PHOSPHO2: variants seen among roughly 807,000 people sequenced by gnomAD.
PHOSPHO2 encodes the protein phosphatase, orphan 2.
In PHOSPHO2, 14 loss-of-function variants were observed where a neutral mutation model predicts 16.4. That is an observed-to-expected ratio of 0.85 (90% CI 0.56 to 1.33). PHOSPHO2 has a LOEUF of 1.33. Ranked by LOEUF, PHOSPHO2 falls within the 40% of genes most tolerant of loss-of-function variation. PHOSPHO2 has a pLI of 0.00. For missense variants in PHOSPHO2, 246 were observed against 282.5 expected, an observed-to-expected ratio of 0.87 and a Z score of 0.93; for synonymous variants, 85 against 90.5, an observed-to-expected ratio of 0.94 and a Z score of 0.34.
intron 3 of PHOSPHO2, among the ~76,000 whole-genome samples, chr2:169,698,769 C>T (rs570744900): frequency 6.6e-6 from 1 of 152,208 alleles, no homozygotes; most frequent in East Asian, 1.9e-4. Context: ...GTAATTGTCA[C>T]ACCACAAACA....
rs1299554370 is a variant in PHOSPHO2, at chr2:169,701,633, C to T, written c.662C>T (p.Ser221Phe). The T allele has an allele frequency of 2.5e-6, 4 of 1,599,410 alleles. No homozygotes were observed. Among genetic ancestry groups the T allele is most frequent in the Middle Eastern group, 1.7e-4 (1 of 6,050 alleles). ...CAAAATCTTGAGCCTATGGAATATT[C>T]TGTTGTAGTTTGGTCCTCAGGTGTT... ...MSQNLEPMEY[S>F]VVVWSSGVDI... is the part of the protein sequence containing the mutation. The change falls in exon 4 of 4, where the codon TCT becomes TTT. Residue 221 changes from serine to phenylalanine, a missense_variant. Physicochemically the swap from Ser to Phe is radical, Grantham distance 155 (BLOSUM62 -2). Coordinates refer to ENST00000359744, the MANE Select transcript of PHOSPHO2 (RefSeq NM_001008489.4).
In PHOSPHO2 at chr2:169,701,076, AC is replaced by A; in HGVS notation, c.106del (p.Arg36ValfsTer25). On this transcript the variant is annotated frameshift_variant, in exon 4 of 4. Coordinates refer to ENST00000359744, the MANE Select transcript of PHOSPHO2 (RefSeq NM_001008489.4). LOFTEE classifies it high-confidence loss of function. Reference sequence around the variant, plus strand: ...CCAACAAAAAGCTTCCTATTGAACTACGTGATTCTTATCGAAAAGGATTTTG... The same window carrying A: ...CCAACAAAAAGCTTCCTATTGAACTAGTGATTCTTATCGAAAAGGATTTTG... The part of the protein sequence containing the change: ...APNKKLPIEL[R>X]DSYRKGFWTE... 1 of 1,614,062 alleles carries A rather than the reference AC, an allele frequency of 6.2e-7. No individual in the cohort carries two copies. The highest frequency in any genetic ancestry group is 8.5e-7 in the Non-Finnish European group (1 of 1,179,980).
chr2:169,694,862 CT>C (rs1215319361), intron 1 of PHOSPHO2: 1 of 180,972 alleles, frequency 5.5e-6, no homozygotes, highest in Non-Finnish European at 1.2e-5. Flanking sequence ...GACATAAACG[CT>C]GTTTTTTTAA....
intron 1 of PHOSPHO2, 73 bp downstream of exon 1, chr2:169,694,695 C>A (rs1446900): frequency 2.2e-5 from 8 of 363,500 alleles, no homozygotes; most frequent in Non-Finnish European, 4.2e-5. Context: ...CCATGGGGGA[C>A]GACCCCCGAT....
At chr2:169,695,166 A>T (rs1345341293) in intron 1 of PHOSPHO2, 49 bp from the exon 2 acceptor site, 1 of 152,238 alleles carries the variant, frequency 6.6e-6, no homozygotes, top group Non-Finnish European at 1.5e-5. Context: ...GAACAAAAAG[A>T]TTTTTAATAA....
Position 169,695,254 on chromosome 2 carries a change from A to G in PHOSPHO2, c.-198+7A>G, listed in dbSNP as rs1687474446. ...GTTCCACGTAATAATGCTGGTAAGTATGGAATAATTAAGAAAATATTTGAA... is the reference window on the plus strand; with the variant it reads ...GTTCCACGTAATAATGCTGGTAAGTGTGGAATAATTAAGAAAATATTTGAA... On this transcript the variant is annotated splice_region_variant and intron_variant, in intron 2 of 3. Transcript: ENST00000359744. The G allele has an allele frequency of 6.6e-6, 1 of 152,240 alleles. No homozygotes were observed. Among genetic ancestry groups the G allele is most frequent in the Admixed American group, 6.5e-5 (1 of 15,286 alleles). The allele number at this position is 152,240 out of a possible 1,614,324, so 9.4% of individuals were successfully genotyped here.
At chr2:169,696,031 T>A (rs1160526156) in intron 2 of PHOSPHO2, among the ~76,000 whole-genome samples, 2 of 152,142 alleles carry the variant, frequency 1.3e-5, no homozygotes, top group Non-Finnish European at 2.9e-5. Context: ...CAGGGAAAAT[T>A]GTCTCCCAAC....
intron 2 of PHOSPHO2, among the ~76,000 whole-genome samples, chr2:169,696,830 T>C (rs150101493): frequency 1.0e-3 from 153 of 152,156 alleles, no homozygotes; most frequent in African/African-American, 3.6e-3. Context: ...AAAGAAAAAA[T>C]GGACTCTGAA....
chr2:169,697,673 G>A (rs1318670511), intron 3 of PHOSPHO2, 142 bp downstream of exon 3: 1 of 152,150 alleles, frequency 6.6e-6, no homozygotes, highest in African/African-American at 2.4e-5. Flanking sequence ...AATAATTCAG[G>A]AATTTCAGTA....
rs1400382383 is a variant in PHOSPHO2 at position 169,701,015 on chromosome 2, A to G, written c.44A>G (p.Asp15Gly). ...LVFDFDNTII[D>G]DNSDTWIVQC... ...TTTGACTTTGACAATACAATCATAGATGACAATAGTGACACTTGGATTGTA... is the reference window on the plus strand; with the variant it reads ...TTTGACTTTGACAATACAATCATAGGTGACAATAGTGACACTTGGATTGTA... Residue 15 changes from aspartate to glycine, a missense_variant, in exon 4 of 4, where the codon GAT becomes GGT. Asp to Gly is a moderately conservative substitution (Grantham distance 94, BLOSUM62 -1). Coordinates refer to ENST00000359744, the MANE Select transcript of PHOSPHO2 (RefSeq NM_001008489.4). 1.2e-6 allele frequency: 2 copies of G among 1,610,364 alleles called. No individual in the cohort carries two copies. Among genetic ancestry groups the G allele is most frequent in the South Asian group, 2.2e-5 (2 of 90,194 alleles).
At chr2:169,695,646 A>AAAG (rs1687499091) in intron 2 of PHOSPHO2, among the ~76,000 whole-genome samples, 3 of 152,022 alleles carry the variant, frequency 2.0e-5, no homozygotes, top group Non-Finnish European at 2.9e-5. Context: ...TCAAAAAAAA[A>AAAG]AAAAGTTTCA....
chr2:169,699,231 A>G (rs1334345492), intron 3 of PHOSPHO2, among the ~76,000 whole-genome samples: 1 of 143,456 alleles, frequency 7.0e-6, no homozygotes, highest in Non-Finnish European at 1.5e-5. Flanking sequence ...TGTTCTCATG[A>G]TTCAGCTCCC....
chr2:169,697,103 C>G (rs1231115601), intron 2 of PHOSPHO2, among the ~76,000 whole-genome samples: 1 of 151,938 alleles, frequency 6.6e-6, no homozygotes, highest in East Asian at 1.9e-4. Context: ...GCAAGCTCCG[C>G]CTCCCAGGTT....
intron 2 of PHOSPHO2, among the ~76,000 whole-genome samples, chr2:169,696,156 G>A (rs1392648402): frequency 6.6e-6 from 1 of 152,142 alleles, no homozygotes; most frequent in African/African-American, 2.4e-5. Flanking sequence ...CTTCAGACTC[G>A]AGATTCCAGC....
chr2:169,700,136 T>C (rs187385274), intron 3 of PHOSPHO2, among the ~76,000 whole-genome samples: 2 of 152,348 alleles, frequency 1.3e-5, no homozygotes, highest in Non-Finnish European at 2.9e-5. Flanking sequence ...TCCCATTCTC[T>C]AAGTTGTCTG....
intron 2 of PHOSPHO2, among the ~76,000 whole-genome samples, chr2:169,695,625 G>GA (rs1308149899): frequency 1.4e-5 from 2 of 145,556 alleles, no homozygotes; most frequent in East Asian, 3.9e-4. Flanking sequence ...GCGACAGAGC[G>GA]AGACTCCGTC....
At position 169,694,484 on chromosome 2, in the gene PHOSPHO2, G is replaced by C; in HGVS notation, c.-369G>C. 1.4e-6 allele frequency: 1 copy of C among 729,732 alleles called. No individual in the cohort carries two copies. The highest frequency in any genetic ancestry group is 1.7e-5 in the African/African-American group (1 of 57,566). 45.2% of individuals were successfully genotyped at this position (729,732 alleles called of 1,614,324 possible). The stretch of plus-strand genomic sequence containing the variant: ...GGGAGGTGCTGCAGTTGGCGGTCGG[G>C]CTAGAGAAGAGAGGCGCCTGCGCTT... On this transcript the variant is annotated 5_prime_UTR_variant, in exon 1 of 4. Coordinates refer to ENST00000359744, the MANE Select transcript of PHOSPHO2 (RefSeq NM_001008489.4).
rs150922844 is a variant in PHOSPHO2 at position 169,696,575 on chromosome 2, A to G, written c.-197-786A>G. ...TAGTTTTTAATTTTCATTATTGTGT[A>G]AAGTATGCAGGATATTGTTACACTA... is the stretch of plus-strand genomic sequence containing the variant. On this transcript the variant is annotated intron_variant, in intron 2 of 3. Coordinates refer to ENST00000359744, the MANE Select transcript of PHOSPHO2 (RefSeq NM_001008489.4). 3.9e-5 allele frequency among the ~76,000 whole-genome samples: 6 copies of G among 152,374 alleles called. No homozygotes were observed. The East Asian group carries it at 1.2e-3, about 29-fold the overall frequency.
rs879513522 is a variant in PHOSPHO2 at position 169,694,471 on chromosome 2, A to G, written c.-382A>G. On this transcript the variant is annotated 5_prime_UTR_variant, in exon 1 of 4. Transcript: ENST00000359744. ...AGCCGAGGAACAAGGGAGGTGCTGCAGTTGGCGGTCGGGCTAGAGAAGAGA... is the reference window on the plus strand; with the variant it reads ...AGCCGAGGAACAAGGGAGGTGCTGCGGTTGGCGGTCGGGCTAGAGAAGAGA... The G allele has an allele frequency of 3.9e-6, 3 of 776,556 alleles. No homozygotes were observed. The highest frequency in any genetic ancestry group is 2.7e-5 in the East Asian group (1 of 37,622). The allele number at this position is 776,556 out of a possible 1,614,324, so 48.1% of individuals were successfully genotyped here.
Sources: allele counts gnomAD v4.1 joint callset (sites outside exome capture counted in the v4.1 genomes callset), GRCh38; gene constraint gnomAD v4.1.1; transcripts MANE v1.5; gene names NCBI Gene and HGNC (gene_info 2026-07-23, HGNC 2026-07-21).